VPS35L: variants seen among roughly 807,000 people sequenced by gnomAD.
VPS35L encodes the protein VPS35 endosomal protein-sorting factor-like.
A neutral mutation model predicts 133.0 loss-of-function variants in VPS35L; 83 were observed. The observed-to-expected ratio is 0.62, with a 90% confidence interval of 0.52 to 0.75. VPS35L has a LOEUF of 0.75. Among genes scored for constraint, VPS35L ranks in the 30% least tolerant of loss-of-function variants. The probability of loss-of-function intolerance (pLI) is 0.00; values close to 1 mark genes in which losing one functional copy is unlikely to be tolerated. For synonymous variants in VPS35L, 423 were observed against 449.9 expected (o/e 0.94, Z 0.76); for missense variants, 1,083 against 1,206.8 (o/e 0.90, Z 1.52).
chr16:19,634,466 G>A (rs1287719129), intron 19 of VPS35L, among the ~76,000 whole-genome samples: 2 of 151,156 alleles, frequency 1.3e-5, no homozygotes, highest in Admixed American at 6.6e-5. Flanking sequence ...ATGTGAAAAG[G>A]GTATAAGAGC....
intron 1 of VPS35L, among the ~76,000 whole-genome samples, chr16:19,561,818 A>G (rs1005359701): frequency 6.6e-6 from 1 of 152,084 alleles, no homozygotes; most frequent in Non-Finnish European, 1.5e-5. Flanking sequence ...TTAAAGAAAA[A>G]CTATTGGCTG....
At chr16:19,619,206 C>T (rs1972997850) in intron 14 of VPS35L, among the ~76,000 whole-genome samples, 1 of 152,006 alleles carries the variant, frequency 6.6e-6, no homozygotes, top group Non-Finnish European at 1.5e-5. Flanking sequence ...GTGCTGGGAT[C>T]ACAGACAAGA....
chr16:19,674,184 C>CTTTTTCTTTTTTTTTTTTTT (rs1555507022), intron 27 of VPS35L, among the ~76,000 whole-genome samples: 5 of 70,908 alleles, frequency 7.1e-5, no homozygotes, highest in African/African-American at 3.1e-4. Flanking sequence ...TTTTCTTTTT[C>CTTTTTCTTTTTTTTTTTTTT]TTTTTTTTTT....
chr16:19,682,757 G>T (rs975583224), intron 28 of VPS35L, among the ~76,000 whole-genome samples: 15 of 152,198 alleles, frequency 9.9e-5, no homozygotes, highest in Admixed American at 1.3e-4. Flanking sequence ...AACTACTCGG[G>T]AGACTGAGGC....
intron 17 of VPS35L, 113 bp from the exon 18 acceptor site, chr16:19,629,654 C>G: frequency 2.4e-6 from 2 of 818,698 alleles, no homozygotes; most frequent in Non-Finnish European, 3.9e-6. Context: ...CAGTAATTAG[C>G]AAAAGGAAAT....
At chr16:19,691,890 T>C (rs1239594140) in intron 29 of VPS35L, among the ~76,000 whole-genome samples, 1 of 151,750 alleles carries the variant, frequency 6.6e-6, no homozygotes, top group Non-Finnish European at 1.5e-5. Context: ...TCTTTTTTTT[T>C]TTTTGAGACA....
At chr16:19,682,104 AACTG>A in intron 27 of VPS35L, 117 bp from the exon 28 acceptor site, 1 of 1,136,846 alleles carries the variant, frequency 8.8e-7, no homozygotes, top group Non-Finnish European at 1.3e-6. Flanking sequence ...TTTGTTCAGT[AACTG>A]ACAACGTTAA....
Position 19,691,267 on chromosome 16 carries a change from G to A in VPS35L, c.2528-86G>A, listed in dbSNP as rs544937876. Reference sequence around the variant, plus strand: ...ACGACTTCCTGCCATCTGCTGACTCGGTGTGACATGACACACGGCTGCCTC... The same window carrying A: ...ACGACTTCCTGCCATCTGCTGACTCAGTGTGACATGACACACGGCTGCCTC... On this transcript the variant is annotated intron_variant, in intron 28 of 30. Coordinates refer to ENST00000417362, the MANE Select transcript of VPS35L (RefSeq NM_020314.7). The A allele has an allele frequency of 2.7e-4, 282 of 1,052,608 alleles. 1 individual carries two copies. In the African/African-American group the frequency reaches 3.5e-3, roughly 13 times the overall value. The allele number at this position is 1,052,608 out of a possible 1,614,324, so 65.2% of individuals were successfully genotyped here.
chr16:19,656,575 C>T (rs1282224395), intron 26 of VPS35L, among the ~76,000 whole-genome samples: 1 of 151,668 alleles, frequency 6.6e-6, no homozygotes, highest in South Asian at 2.1e-4. Flanking sequence ...ATGACTCGGC[C>T]TTTCTGTCCT....
At chr16:19,692,909 A>G (rs1484804526) in intron 29 of VPS35L, among the ~76,000 whole-genome samples, 1 of 152,200 alleles carries the variant, frequency 6.6e-6, no homozygotes, top group African/African-American at 2.4e-5. Flanking sequence ...TGTTTGAGAG[A>G]GTAGGATTTT....
intron 14 of VPS35L, chr16:19,617,252 G>T: frequency 3.1e-6 from 1 of 326,708 alleles, no homozygotes; most frequent in East Asian, 6.8e-5. Flanking sequence ...CAGCTACTCA[G>T]GAGGCTGAGG....
At chr16:19,615,128 T>C (rs1972842849) in intron 12 of VPS35L, among the ~76,000 whole-genome samples, 1 of 152,222 alleles carries the variant, frequency 6.6e-6, no homozygotes, top group Non-Finnish European at 1.5e-5. Context: ...ATCTTTGTGC[T>C]TGGTCTAATA....
At chr16:19,658,358 C>T (rs1035009845) in intron 26 of VPS35L, among the ~76,000 whole-genome samples, 12 of 152,146 alleles carry the variant, frequency 7.9e-5, no homozygotes, top group African/African-American at 2.9e-4. Context: ...GATGAAACCT[C>T]GTCTCTACTA....
In VPS35L at chr16:19,633,908, A is replaced by G. The variant is rs376853862; in HGVS notation, c.1635+736A>G. 5.8e-4 allele frequency among the ~76,000 whole-genome samples: 88 copies of G among 151,834 alleles called. No individual in the cohort carries two copies. The highest frequency in any genetic ancestry group is 2.0e-3 in the African/African-American group (85 of 41,466). On this transcript the variant is annotated intron_variant, in intron 19 of 30. Coordinates refer to ENST00000417362, the MANE Select transcript of VPS35L (RefSeq NM_020314.7). This position sits in a 1 kb window ranked among gnomAD's most constrained non-coding sequence, Gnocchi z 4.1. ...CGCCTGGCTAATTTTTTGAATTTTT[A>G]GTAGAGTTGGGGTTTCACCGCGTTA...
chr16:19,677,529 G>A (rs1021375844), intron 27 of VPS35L, among the ~76,000 whole-genome samples: 6 of 152,182 alleles, frequency 3.9e-5, no homozygotes, highest in Non-Finnish European at 4.4e-5. Context: ...GGCACAGATG[G>A]GGAGAGGAGA....
intron 1 of VPS35L, among the ~76,000 whole-genome samples, chr16:19,562,832 G>A (rs1270579180): frequency 6.6e-6 from 1 of 151,932 alleles, no homozygotes; most frequent in Non-Finnish European, 1.5e-5. Context: ...ATAGCTCACT[G>A]CAGTTTTGAG....
chr16:19,681,299 C>T (rs1168238510), intron 27 of VPS35L, among the ~76,000 whole-genome samples: 1 of 152,214 alleles, frequency 6.6e-6, no homozygotes, highest in Non-Finnish European at 1.5e-5. Flanking sequence ...CCTCCTGGGC[C>T]ATGTTTTGGC....
chr16:19,622,171 GT>G (rs1174450716), intron 14 of VPS35L, among the ~76,000 whole-genome samples: 1 of 119,444 alleles, frequency 8.4e-6, no homozygotes, highest in African/African-American at 3.1e-5. Flanking sequence ...TTAAGACGGA[GT>G]CCTGCTCTGT....
intron 7 of VPS35L, among the ~76,000 whole-genome samples, chr16:19,587,045 G>GAAGGCA (rs1458456548): frequency 6.6e-6 from 1 of 152,104 alleles, no homozygotes; most frequent in Non-Finnish European, 1.5e-5. Flanking sequence ...AATCGTGGCA[G>GAAGGCA]AAGGCAAAGG....
Sources: allele counts gnomAD v4.1 joint callset (sites outside exome capture counted in the v4.1 genomes callset), GRCh38; gene constraint gnomAD v4.1.1; non-coding constraint Gnocchi (gnomAD v3.1); transcripts MANE v1.5; gene names NCBI Gene and HGNC (gene_info 2026-07-23, HGNC 2026-07-21).